DNAJB11: variants seen among roughly 807,000 people sequenced by gnomAD.
DNAJB11 encodes the protein dnaJ homolog subfamily B member 11.
Under a neutral mutation model 47.2 loss-of-function variants are expected in DNAJB11, and 30 were observed. The ratio of observed to expected loss-of-function variants is 0.64; its 90% confidence interval spans 0.48 to 0.86. The LOEUF (loss-of-function observed/expected upper bound fraction) is 0.86, where lower values mean the gene tolerates loss of function less well. DNAJB11 is among the 40% of genes least tolerant of loss of function. The probability of loss-of-function intolerance (pLI) is 0.00; values close to 1 mark genes in which losing one functional copy is unlikely to be tolerated. For missense variants in DNAJB11, 357 were observed against 440.2 expected, an observed-to-expected ratio of 0.81 and a Z score of 1.69; for synonymous variants, 151 against 159.9, an observed-to-expected ratio of 0.94 and a Z score of 0.42.
intron 6 of DNAJB11, 116 bp from the exon 7 acceptor site, chr3:186,582,600 C>A: frequency 1.3e-6 from 1 of 797,690 alleles, no homozygotes; most frequent in Non-Finnish European, 2.1e-6. Flanking sequence ...ACTGCCGTCA[C>A]AGATTTGACA....
chr3:186,578,760 CTG>C (rs1319919001), intron 4 of DNAJB11: 1 of 152,090 alleles, frequency 6.6e-6, no homozygotes, highest in Non-Finnish European at 1.5e-5. Flanking sequence ...TCTTTGTTGG[CTG>C]TATGTAATGC....
intron 8 of DNAJB11, 123 bp downstream of exon 8, chr3:186,584,099 G>T: frequency 1.4e-6 from 1 of 735,440 alleles, no homozygotes; most frequent in South Asian, 1.6e-5. Context: ...GTATTCTGCC[G>T]TCTGTACTTA....
At chr3:186,577,890 T>C (rs1414741060) in intron 4 of DNAJB11, 90 bp downstream of exon 4, 2 of 1,142,504 alleles carry the variant, frequency 1.8e-6, no homozygotes, top group African/African-American at 3.2e-5. Context: ...CTTCTCTGTC[T>C]TTTTGAGGGT....
intron 2 of DNAJB11, 91 bp from the exon 3 acceptor site, chr3:186,575,749 C>A (rs2108477475): frequency 2.1e-6 from 2 of 965,920 alleles, no homozygotes; most frequent in South Asian, 1.5e-5. Flanking sequence ...TTTAGACCCA[C>A]TGTCAAAGTA....
intron 6 of DNAJB11, 110 bp downstream of exon 6, chr3:186,582,187 G>T: frequency 1.2e-6 from 1 of 815,316 alleles, no homozygotes; most frequent in South Asian, 1.7e-5. Flanking sequence ...CATAGTAAAC[G>T]CATATATAAT....
chr3:186,580,257 A>G lies in DNAJB11; in HGVS notation c.457-1114A>G, dbSNP rs1419202291. ...AGGCTGTAAATGGCTTTGCTGGTTC[A>G]GTAACCCCATGCTAAATTCTTTTTT... is the stretch of plus-strand genomic sequence containing the variant. On this transcript the variant is annotated intron_variant, in intron 4 of 9. Coordinates refer to ENST00000265028, the MANE Select transcript of DNAJB11 (RefSeq NM_016306.6). The G allele has an allele frequency of 2.0e-5, 3 of 152,328 alleles. No homozygotes were observed. The East Asian group carries it at 5.8e-4, about 29-fold the overall frequency. 9.4% of individuals were successfully genotyped at this position (152,328 alleles called of 1,614,324 possible).
chr3:186,576,056 C>T, intron 3 of DNAJB11, 119 bp downstream of exon 3: 1 of 658,950 alleles, frequency 1.5e-6, no homozygotes, highest in South Asian at 2.0e-5. Context: ...TTTAGCTGAT[C>T]CAAAGATCAA....
chr3:186,585,199 A>G (rs1715642721), intron 9 of DNAJB11, 145 bp from the exon 10 acceptor site: 2 of 579,188 alleles, frequency 3.5e-6, no homozygotes, highest in Non-Finnish European at 3.0e-6. Context: ...CCTACATGCA[A>G]TTACGTTGGA....
At position 186,581,135 on chromosome 3, in the gene DNAJB11, G is replaced by A. The variant is rs183812264; in HGVS notation, c.457-236G>A. 226 of 428,784 alleles carry A rather than the reference G, an allele frequency of 5.3e-4. 1 individual carries two copies. The highest frequency in any genetic ancestry group is 4.3e-3 in the African/African-American group (208 of 48,692). The allele number at this position is 428,784 out of a possible 1,614,324, so 26.6% of individuals were successfully genotyped here. A position where few individuals can be genotyped will look rare whatever the true frequency, so the allele number is the denominator to read the frequency against. The stretch of plus-strand genomic sequence containing the variant: ...TTCGGTTCTCTTGTTTCTTACTCCC[G>A]TCTCTACTTCTCCAGCTTTAGAATT... On this transcript the variant is annotated intron_variant, in intron 4 of 9. Coordinates refer to ENST00000265028, the MANE Select transcript of DNAJB11 (RefSeq NM_016306.6).
At chr3:186,574,101 T>C (rs191477810) in intron 2 of DNAJB11, among the ~76,000 whole-genome samples, 1 of 152,368 alleles carries the variant, frequency 6.6e-6, no homozygotes, top group Non-Finnish European at 1.5e-5. Flanking sequence ...CTTTTGTGAA[T>C]ACAAATTTGT....
chr3:186,570,742 G>T lies in DNAJB11; in HGVS notation c.-156G>T, dbSNP rs959058608. ...GGGACTCCCGGGAAGTGGACCGGCA[G>T]AAGAGGGGGCTAGCTAGCTGTCTCT... On this transcript the variant is annotated 5_prime_UTR_variant, in exon 1 of 10. Coordinates refer to ENST00000265028, the MANE Select transcript of DNAJB11 (RefSeq NM_016306.6). 15 of 679,038 alleles carry T rather than the reference G, an allele frequency of 2.2e-5. No individual in the cohort carries two copies. Among genetic ancestry groups the T allele is most frequent in the Non-Finnish European group, 3.5e-5 (14 of 395,696 alleles). 42.1% of individuals were successfully genotyped at this position (679,038 alleles called of 1,614,324 possible).
At position 186,570,865 on chromosome 3, in the gene DNAJB11, A is replaced by C. The variant is rs1264741199; in HGVS notation, c.-33A>C. 3 of 1,587,552 alleles carry C rather than the reference A, an allele frequency of 1.9e-6. No individual in the cohort carries two copies. The highest frequency in any genetic ancestry group is 2.6e-6 in the Non-Finnish European group (3 of 1,166,306). On this transcript the variant is annotated 5_prime_UTR_variant, in exon 1 of 10. Coordinates refer to ENST00000265028, the MANE Select transcript of DNAJB11 (RefSeq NM_016306.6). ...CGCGGCGGCGGAGGAGGCTGTGAGG[A>C]GTGTGTGGAACAGGACCCGGGACAG...
In DNAJB11 at chr3:186,581,444, C is replaced by T; in HGVS notation, c.530C>T (p.Thr177Ile). The part of the protein sequence containing the change: ...RKCNCRQEMR[T>I]TQLGPGRFQM... Reference sequence around the variant, plus strand: ...TGCAATTGTCGGCAAGAGATGCGGACCACCCAGCTGGGCCCTGGGCGCTTC... The same window carrying T: ...TGCAATTGTCGGCAAGAGATGCGGATCACCCAGCTGGGCCCTGGGCGCTTC... The change falls in exon 5 of 10, where the codon ACC becomes ATC. Residue 177 changes from threonine (T) to isoleucine (I), a missense_variant. Physicochemically the swap from Thr to Ile is moderately conservative, Grantham distance 89. Coordinates refer to ENST00000265028, the MANE Select transcript of DNAJB11 (RefSeq NM_016306.6). 10 of 1,613,884 alleles carry T rather than the reference C, an allele frequency of 6.2e-6. No individual in the cohort carries two copies. The highest frequency in any genetic ancestry group is 8.5e-6 in the Non-Finnish European group (10 of 1,179,958).
chr3:186,572,322 C>A, intron 2 of DNAJB11, 71 bp downstream of exon 2: 1 of 1,345,342 alleles, frequency 7.4e-7, no homozygotes, highest in Non-Finnish European at 1.0e-6. Context: ...TACAGAGAAA[C>A]ACTCCTTTCA....
chr3:186,571,880 C>T (rs944852137), intron 1 of DNAJB11, among the ~76,000 whole-genome samples: 6 of 152,120 alleles, frequency 3.9e-5, no homozygotes, highest in Non-Finnish European at 7.3e-5. Context: ...AAGTATATAG[C>T]CTCTTACTGT....
intron 6 of DNAJB11, 73 bp from the exon 7 acceptor site, chr3:186,582,643 G>C (rs975434569): frequency 4.0e-6 from 5 of 1,258,408 alleles, no homozygotes; most frequent in African/African-American, 1.5e-5. Context: ...TTAAAAAAAT[G>C]TATCAGTTGC....
intron 9 of DNAJB11, 38 bp downstream of exon 9, chr3:186,584,627 G>GTGTGTGTGTGTGTT (rs764278205): frequency 2.6e-5 from 39 of 1,492,358 alleles, no homozygotes; most frequent in South Asian, 2.6e-4. Context: ...GTGTGTTTGT[G>GTGTGTGTGTGTGTT]TGTGTGTATG....
intron 7 of DNAJB11, 53 bp from the exon 8 acceptor site, chr3:186,583,812 C>A: frequency 1.5e-6 from 2 of 1,343,796 alleles, no homozygotes; most frequent in Non-Finnish European, 2.1e-6. Flanking sequence ...TTTCTAACAA[C>A]TGTTTGAACT....
At position 186,584,376 on chromosome 3, in the gene DNAJB11, G is replaced by A. The variant is rs1460142180; in HGVS notation, c.853-54G>A. On this transcript the variant is annotated intron_variant, in intron 8 of 9. Coordinates refer to ENST00000265028, the MANE Select transcript of DNAJB11 (RefSeq NM_016306.6). ...TACCAGTGCTCACTAGAAGCTGTGTGATGTACTTCAGATGTACCGCTCCTG... is the reference window on the plus strand; with the variant it reads ...TACCAGTGCTCACTAGAAGCTGTGTAATGTACTTCAGATGTACCGCTCCTG... 7 of 1,486,126 alleles carry A rather than the reference G, an allele frequency of 4.7e-6. No individual in the cohort carries two copies. The South Asian group carries it at 5.9e-5, about 12-fold the overall frequency. The allele number at this position is 1,486,126 out of a possible 1,614,324, so 92.1% of individuals were successfully genotyped here. A position where few individuals can be genotyped will look rare whatever the true frequency, so the allele number is the denominator to read the frequency against.
Sources: gnomAD v4.1 joint callset for allele counts (sites outside exome capture counted in the v4.1 genomes callset) on GRCh38, gnomAD v4.1.1 for gene constraint, MANE v1.5 for transcripts, NCBI Gene and HGNC (gene_info 2026-07-23, HGNC 2026-07-21) for gene names.